Variants in MTMR14 observed in about 807,000 individuals in gnomAD.
MTMR14 encodes the protein myotubularin related protein 14.
A neutral mutation model predicts 86.3 loss-of-function variants in MTMR14; 48 were observed. The observed-to-expected ratio is 0.56, with a 90% confidence interval of 0.44 to 0.71. The LOEUF is 0.71. MTMR14 is among the 30% of genes least tolerant of loss of function. MTMR14 has a pLI of 0.00. For synonymous variants in MTMR14, 366 were observed against 326.1 expected (o/e 1.12, Z -1.32); for missense variants, 780 against 834.6 (o/e 0.93, Z 0.81).
At chr3:9,680,843 A>AC (rs2075743585) in intron 9 of MTMR14, among the ~76,000 whole-genome samples, 1 of 149,406 alleles carries the variant, frequency 6.7e-6, no homozygotes, top group African/African-American at 2.4e-5. Flanking sequence ...TCTCAAAAAA[A>AC]CAAACAAACA....
At chr3:9,696,878 T>A (rs1352266569) in intron 17 of MTMR14, among the ~76,000 whole-genome samples, 1 of 152,048 alleles carries the variant, frequency 6.6e-6, no homozygotes, top group Non-Finnish European at 1.5e-5. Context: ...GGGTAGCAGG[T>A]GGAAGGGCCT....
At chr3:9,675,721 T>C (rs1359135254) in intron 7 of MTMR14, 2 of 456,780 alleles carry the variant, frequency 4.4e-6, no homozygotes, top group Non-Finnish European at 8.8e-6. Flanking sequence ...TTAATTCTGT[T>C]TCTCACAAAA....
intron 16 of MTMR14, among the ~76,000 whole-genome samples, 196 bp downstream of exon 16, chr3:9,689,278 C>T (rs770626994): frequency 1.4e-4 from 21 of 152,292 alleles, no homozygotes; most frequent in Non-Finnish European, 2.5e-4. Flanking sequence ...CCTGTGGTGG[C>T]CCAGGAACAT....
At chr3:9,657,287 A>G (rs1412113083) in intron 2 of MTMR14, among the ~76,000 whole-genome samples, 2 of 152,176 alleles carry the variant, frequency 1.3e-5, no homozygotes, top group African/African-American at 4.8e-5. Context: ...AGAAGACCTG[A>G]GGTGGGCCTG....
At position 9,690,211 on chromosome 3, in the gene MTMR14, G is replaced by A. The variant is rs946863235; in HGVS notation, c.1613+68G>A. The A allele has an allele frequency of 1.0e-4, 156 of 1,552,118 alleles. 1 individual carries two copies. Among genetic ancestry groups the A allele is most frequent in the Non-Finnish European group, 1.2e-4 (141 of 1,136,472 alleles). ...TCCCCCTTAATAAGACTGGAGGGTC[G>A]GGGGCCAGCACCTGAGCTAGGGTCT... On this transcript the variant is annotated intron_variant, in intron 17 of 18. Transcript: ENST00000296003.
At chr3:9,653,218 G>C (rs1010606291) in intron 1 of MTMR14, among the ~76,000 whole-genome samples, 4 of 152,226 alleles carry the variant, frequency 2.6e-5, no homozygotes, top group Admixed American at 2.6e-4. Context: ...CTGGGCGACA[G>C]AGCGAGACTC....
chr3:9,662,351 C>T lies in MTMR14; in HGVS notation c.393C>T (p.Cys131=). 2 of 1,613,376 alleles carry T rather than the reference C, an allele frequency of 1.2e-6. No homozygotes were observed. The highest frequency in any genetic ancestry group is 1.7e-6 in the Non-Finnish European group (2 of 1,179,820). The change falls in exon 3 of 19, where the codon TGC becomes TGT. Residue 131 remains cysteine, a synonymous_variant. Coordinates refer to ENST00000296003, the MANE Select transcript of MTMR14 (RefSeq NM_001077525.3). ...CCCGGTGCAGAGGACGGTTTGTCTGCCCAGTAATCCTGTTCAAGGGCAAGG... is the reference window on the plus strand; with the variant it reads ...CCCGGTGCAGAGGACGGTTTGTCTGTCCAGTAATCCTGTTCAAGGGCAAGG... ...KMARCRGRFV[C]PVILFKGKHI... is the part of the protein sequence containing the mutation.
At chr3:9,661,343 C>A (rs538214304) in intron 2 of MTMR14, among the ~76,000 whole-genome samples, 1 of 152,318 alleles carries the variant, frequency 6.6e-6, no homozygotes, top group East Asian at 1.9e-4. Flanking sequence ...TTCTCTGCAA[C>A]CCCAGTCCCT....
chr3:9,681,299 T>C (rs959928165), intron 9 of MTMR14, among the ~76,000 whole-genome samples: 3 of 152,278 alleles, frequency 2.0e-5, no homozygotes, highest in African/African-American at 7.2e-5. Context: ...CTAAGACCCC[T>C]CCCTGGGGCT....
At position 9,690,155 on chromosome 3, in the gene MTMR14, C is replaced by T. The variant is rs2076094319; in HGVS notation, c.1613+12C>T. 2 of 1,613,254 alleles carry T rather than the reference C, an allele frequency of 1.2e-6. No individual in the cohort carries two copies. The highest frequency in any genetic ancestry group is 1.7e-6 in the Non-Finnish European group (2 of 1,179,944). ...GTCCCCAAACCCAGGTGAGGAGCTCCAAAGCCCTTGCTGTTGGAAGTGCCT... is the reference window on the plus strand; with the variant it reads ...GTCCCCAAACCCAGGTGAGGAGCTCTAAAGCCCTTGCTGTTGGAAGTGCCT... On this transcript the variant is annotated intron_variant, in intron 17 of 18. Transcript: ENST00000296003.
rs752632578 is a variant in MTMR14, at chr3:9,684,869, C to A, written c.1051-19C>A. 1 of 1,613,354 alleles carries A rather than the reference C, an allele frequency of 6.2e-7. No individual in the cohort carries two copies. ...GGATGAGAAGAGGGCTCTGTCACATCTCCTGTGGTCTCTTCCAGGATGGGC... is the reference window on the plus strand; with the variant it reads ...GGATGAGAAGAGGGCTCTGTCACATATCCTGTGGTCTCTTCCAGGATGGGC... On this transcript the variant is annotated intron_variant, in intron 11 of 18. Transcript: ENST00000296003.
chr3:9,687,862 C>A lies in MTMR14; in HGVS notation c.1206C>A (p.Ser402=). 1 of 1,588,916 alleles carries A rather than the reference C, an allele frequency of 6.3e-7. No homozygotes were observed. Among genetic ancestry groups the A allele is most frequent in the East Asian group, 2.2e-5 (1 of 44,506 alleles). The part of the protein sequence containing the change: ...FCFNFLKHIT[S]EEFSALKTQR... ...TCAATTTTTTGAAGCATATTACCTC[C>A]GAGGAGTTCTCTGCTCTGAAGACCC... Residue 402 remains serine, a synonymous_variant, in exon 14 of 19, where the codon TCC becomes TCA. Transcript: ENST00000296003.
rs749098375 is a variant in MTMR14, at chr3:9,683,178, T to G, written c.898T>G (p.Cys300Gly). ...ATTTCTTCTCACTTTTCTCCAACAG[T>G]GTTGGGATCTGGTGCAACAAACACA... The part of the protein sequence containing the change: ...SLNIDWSQYQ[C>G]WDLVQQTQNY... Residue 300 changes from cysteine to glycine, a missense_variant and splice_region_variant, in exon 10 of 19, where the codon TGT becomes GGT. By Grantham distance (159) the Cys-to-Gly change is radical (BLOSUM62 -3). Transcript: ENST00000296003. 1 of 1,613,962 alleles carries G rather than the reference T, an allele frequency of 6.2e-7. No homozygotes were observed. The highest frequency in any genetic ancestry group is 8.5e-7 in the Non-Finnish European group (1 of 1,179,844).
chr3:9,653,803 G>C (rs753684094), intron 2 of MTMR14, 34 bp downstream of exon 2: 1 of 1,613,720 alleles, frequency 6.2e-7, no homozygotes, highest in Non-Finnish European at 8.5e-7. Context: ...TACATGTCTG[G>C]GGAGTCCGTG....
intron 10 of MTMR14, 45 bp downstream of exon 10, chr3:9,683,289 G>A (rs1235627172): frequency 1.9e-6 from 3 of 1,559,458 alleles, no homozygotes; most frequent in Non-Finnish European, 2.7e-6. Context: ...GCACCCTTGG[G>A]GAGTTCCCAG....
Position 9,701,815 on chromosome 3 carries a change from A to T in MTMR14, c.1795A>T (p.Thr599Ser), listed in dbSNP as rs987163589. The T allele has an allele frequency of 1.9e-6, 3 of 1,613,720 alleles. No homozygotes were observed. Among genetic ancestry groups the T allele is most frequent in the Non-Finnish European group, 2.5e-6 (3 of 1,180,002 alleles). Residue 599 changes from threonine (T) to serine (S), a missense_variant, in exon 19 of 19, where the codon ACT becomes TCT. Coordinates refer to ENST00000296003, the MANE Select transcript of MTMR14 (RefSeq NM_001077525.3). This position sits in a 1 kb window ranked among gnomAD's most constrained non-coding sequence, Gnocchi z 4.2. ...GCTTGCAGCCCTGAGTGATCGAGAG[A>T]CTCGGCTGCAGGAGGTGCGCTCAGC... The part of the protein sequence containing the change: ...CLLAALSDRE[T>S]RLQEVRSAFL...
rs755309009 is a variant in MTMR14 at position 9,685,263 on chromosome 3, A to G, written c.1164+16A>G. The stretch of plus-strand genomic sequence containing the variant: ...AGGGGAGGAGGTGAGTATACCACCT[A>G]CGACTTGTGGGCACAGCTCAGCACT... On this transcript the variant is annotated intron_variant, in intron 13 of 18. Coordinates refer to ENST00000296003, the MANE Select transcript of MTMR14 (RefSeq NM_001077525.3). 9.9e-6 allele frequency: 16 copies of G among 1,613,716 alleles called. No homozygotes were observed. The East Asian group carries it at 2.9e-4, about 29-fold the overall frequency.
chr3:9,689,907 G>C, intron 16 of MTMR14, 57 bp from the exon 17 acceptor site: 1 of 1,533,026 alleles, frequency 6.5e-7, no homozygotes, highest in Non-Finnish European at 8.9e-7. Flanking sequence ...GTGAGGGTGG[G>C]CAGAGGGCTT....
At chr3:9,696,830 T>C (rs1196925738) in intron 17 of MTMR14, among the ~76,000 whole-genome samples, 1 of 152,004 alleles carries the variant, frequency 6.6e-6, no homozygotes, top group Non-Finnish European at 1.5e-5. Context: ...GAATAAAGGG[T>C]CAAGCATCAA....
Sources: allele counts gnomAD v4.1 joint callset (sites outside exome capture counted in the v4.1 genomes callset), GRCh38; gene constraint gnomAD v4.1.1; non-coding constraint Gnocchi (gnomAD v3.1); transcripts MANE v1.5; gene names NCBI Gene and HGNC (gene_info 2026-07-23, HGNC 2026-07-21).